KHDRBS3: variants seen among roughly 807,000 people sequenced by gnomAD.
KHDRBS3 encodes the protein KH RNA binding domain containing, signal transduction associated 3.
In KHDRBS3, 23 loss-of-function variants were observed where a neutral mutation model predicts 45.6. The observed-to-expected ratio is 0.50, with a 90% confidence interval of 0.36 to 0.72. The LOEUF (loss-of-function observed/expected upper bound fraction) is 0.72, where lower values mean the gene tolerates loss of function less well. Among genes scored for constraint, KHDRBS3 ranks in the 30% least tolerant of loss-of-function variants. KHDRBS3 has a pLI of 0.00. For missense variants in KHDRBS3, 352 were observed against 424.8 expected (o/e 0.83, Z 1.51); for synonymous variants, 162 against 156.5 (o/e 1.04, Z -0.26).
chr8:135,523,413 T>C (rs1825017011), intron 2 of KHDRBS3, among the ~76,000 whole-genome samples: 2 of 149,798 alleles, frequency 1.3e-5, no homozygotes, highest in African/African-American at 4.9e-5. Flanking sequence ...AATTTCTATT[T>C]TCCAGTTTTT....
Position 135,645,049 on chromosome 8 carries a change from T to A in KHDRBS3, c.891-10T>A, listed in dbSNP as rs558771336. 3.1e-6 allele frequency: 5 copies of A among 1,612,676 alleles called. No individual in the cohort carries two copies. In the East Asian group the frequency reaches 8.9e-5, roughly 29 times the overall value. ...GATTTTGTCCTTTGTTTTGTTTTGATCACTTGCAGTGGTGCTGATTACTAT... is the reference window on the plus strand; with the variant it reads ...GATTTTGTCCTTTGTTTTGTTTTGAACACTTGCAGTGGTGCTGATTACTAT... On this transcript the variant is annotated splice_polypyrimidine_tract_variant and intron_variant, in intron 7 of 8. Coordinates refer to ENST00000355849, the MANE Select transcript of KHDRBS3 (RefSeq NM_006558.3).
intron 1 of KHDRBS3, among the ~76,000 whole-genome samples, chr8:135,508,609 G>C (rs1383830122): frequency 6.6e-6 from 1 of 152,132 alleles, no homozygotes; most frequent in African/African-American, 2.4e-5. Flanking sequence ...AAATAAAAAT[G>C]TAGATTTTCC....
intron 5 of KHDRBS3, among the ~76,000 whole-genome samples, chr8:135,565,373 T>G (rs907450900): frequency 6.6e-6 from 1 of 152,196 alleles, no homozygotes; most frequent in African/African-American, 2.4e-5. Flanking sequence ...TTTTGAGAGT[T>G]TTGTTTAATT....
At chr8:135,525,956 T>A (rs1825161452) in intron 2 of KHDRBS3, among the ~76,000 whole-genome samples, 1 of 152,182 alleles carries the variant, frequency 6.6e-6, no homozygotes, top group African/African-American at 2.4e-5. Context: ...ATGATGGTGA[T>A]CCCATAAGAT....
chr8:135,554,531 A>G (rs1232679378), intron 4 of KHDRBS3, among the ~76,000 whole-genome samples: 1 of 152,160 alleles, frequency 6.6e-6, no homozygotes, highest in East Asian at 1.9e-4. Context: ...AATGATGGAA[A>G]GAATCAGATG....
chr8:135,642,585 G>A (rs567151860), intron 7 of KHDRBS3, among the ~76,000 whole-genome samples: 121 of 152,292 alleles, frequency 7.9e-4, no homozygotes, highest in African/African-American at 2.7e-3. Flanking sequence ...AGCTGTAGTA[G>A]TGACTATTCT....
chr8:135,615,988 G>A (rs978886599), intron 7 of KHDRBS3, among the ~76,000 whole-genome samples: 6 of 152,064 alleles, frequency 3.9e-5, no homozygotes, highest in African/African-American at 1.2e-4. Flanking sequence ...AAGAAGTTTT[G>A]TATCTTCACC....
rs1829495291 is a variant in KHDRBS3, at chr8:135,607,009, G to A, written c.862G>A (p.Asp288Asn). 1 of 1,613,510 alleles carries A rather than the reference G, an allele frequency of 6.2e-7. No individual in the cohort carries two copies. The highest frequency in any genetic ancestry group is 8.5e-7 in the Non-Finnish European group (1 of 1,179,636). The change falls in exon 7 of 9, where the codon GAT (aspartate) becomes AAT (asparagine). Residue 288 changes from aspartate to asparagine, a missense_variant. Physicochemically the swap from Asp to Asn is conservative, Grantham distance 23 (BLOSUM62 1). Transcript: ENST00000355849. ...AYDEQSYDSY[D>N]NSYSTPAQSG... ...TGATGAACAGAGTTATGATTCCTAT[G>A]ATAACAGCTATAGCACCCCAGCCCA...
At chr8:135,649,284 G>A (rs930354134), downstream of KHDRBS3, among the ~76,000 whole-genome samples, 1 of 152,018 alleles carries the variant, frequency 6.6e-6, no homozygotes, top group African/African-American at 2.4e-5. Context: ...CTGCCACTTA[G>A]CAGTGTGACT....
chr8:135,473,264 T>C (rs1245438844), intron 1 of KHDRBS3, among the ~76,000 whole-genome samples: 1 of 152,146 alleles, frequency 6.6e-6, no homozygotes, highest in African/African-American at 2.4e-5. Context: ...GGTGACCACG[T>C]GGCTTCCAAA....
intron 7 of KHDRBS3, among the ~76,000 whole-genome samples, chr8:135,626,472 C>T (rs1004191623): frequency 6.6e-6 from 1 of 152,160 alleles, no homozygotes; most frequent in Admixed American, 6.5e-5. Context: ...GCTGAAGCTT[C>T]CTGGCATGGT....
intron 1 of KHDRBS3, among the ~76,000 whole-genome samples, chr8:135,493,604 T>C (rs1294317352): frequency 6.6e-6 from 1 of 152,198 alleles, no homozygotes; most frequent in African/African-American, 2.4e-5. Flanking sequence ...TATTTTCCAG[T>C]GTTAAGCCAG....
intron 2 of KHDRBS3, chr8:135,542,237 G>T (rs1826079763): frequency 6.5e-6 from 1 of 154,716 alleles, no homozygotes; most frequent in Non-Finnish European, 1.4e-5. Flanking sequence ...GGGCTGACCG[G>T]GTAGAAGAAC....
intron 7 of KHDRBS3, chr8:135,625,964 G>GT: frequency 1.3e-6 from 1 of 790,446 alleles, no homozygotes; most frequent in Non-Finnish European, 2.3e-6. Flanking sequence ...CTGACGTTGA[G>GT]TATACGTTCA....
intron 5 of KHDRBS3, among the ~76,000 whole-genome samples, chr8:135,575,533 G>A (rs761500149): frequency 5.9e-5 from 9 of 152,180 alleles, no homozygotes; most frequent in African/African-American, 9.6e-5. Flanking sequence ...AAAAGAGAAC[G>A]CCAACTATGT....
At chr8:135,640,196 CA>C (rs1419098206) in intron 7 of KHDRBS3, among the ~76,000 whole-genome samples, 2 of 151,950 alleles carry the variant, frequency 1.3e-5, no homozygotes, top group Non-Finnish European at 2.9e-5. Flanking sequence ...GTGCTAAAGA[CA>C]AAGAGCAACG....
At chr8:135,475,260 G>A (rs58750323) in intron 1 of KHDRBS3, among the ~76,000 whole-genome samples, 1 of 152,150 alleles carries the variant, frequency 6.6e-6, no homozygotes, top group Non-Finnish European at 1.5e-5. Flanking sequence ...ACAGAGGTAT[G>A]ACTGTGTGTG....
At chr8:135,493,017 A>G (rs191892061) in intron 1 of KHDRBS3, among the ~76,000 whole-genome samples, 19 of 152,046 alleles carry the variant, frequency 1.2e-4, no homozygotes, top group Non-Finnish European at 1.0e-4. Context: ...GTGGTTTTCA[A>G]TGTATAGGTC....
Position 135,606,992 on chromosome 8 carries a change from A to T in KHDRBS3, c.845A>T (p.Gln282Leu), listed in dbSNP as rs1231060808. 34 of 1,613,698 alleles carry T rather than the reference A, an allele frequency of 2.1e-5. No individual in the cohort carries two copies. Among genetic ancestry groups the T allele is most frequent in the Non-Finnish European group, 2.8e-5 (33 of 1,179,736 alleles). ...DDGYGTAYDE[Q>L]SYDSYDNSYS... ...GGATATGGCACTGCTTATGATGAAC[A>T]GAGTTATGATTCCTATGATAACAGC... is the stretch of plus-strand genomic sequence containing the variant. The change falls in exon 7 of 9, where the codon CAG (glutamine) becomes CTG (leucine). Residue 282 changes from glutamine to leucine, a missense_variant. Physicochemically the swap from Gln to Leu is moderately radical, Grantham distance 113. This residue lies in a region of KHDRBS3 where 212 missense variants were observed against 209.6 expected (regional missense o/e 1.01). Transcript: ENST00000355849.
Sources: gnomAD v4.1 joint callset for allele counts (sites outside exome capture counted in the v4.1 genomes callset) on GRCh38, gnomAD v4.1.1 for gene constraint, gnomAD v4.1.1 regional missense constraint, MANE v1.5 for transcripts, NCBI Gene and HGNC (gene_info 2026-07-23, HGNC 2026-07-21) for gene names.